Variants in PGR observed in about 807,000 individuals in gnomAD.
The protein encoded by PGR is nuclear receptor subfamily 3 group C member 3.
A neutral mutation model predicts 76.1 loss-of-function variants in PGR; 25 were observed. The observed-to-expected ratio is 0.33, with a 90% CI of 0.24 to 0.46. The LOEUF (loss-of-function observed/expected upper bound fraction) is 0.46, where lower values mean the gene tolerates loss of function less well. PGR is among the 20% of genes least tolerant of loss of function. PGR has a pLI of 1.00. For missense variants in PGR, 1,172 were observed against 1,225.3 expected, an observed-to-expected ratio of 0.96 and a Z score of 0.65; for synonymous variants, 579 against 535.0, an observed-to-expected ratio of 1.08 and a Z score of -1.14.
intron 4 of PGR, among the ~76,000 whole-genome samples, chr11:101,055,779 C>A (rs1028466959): frequency 6.6e-6 from 1 of 152,108 alleles, no homozygotes; most frequent in South Asian, 2.1e-4. Flanking sequence ...TTTTTGTTTT[C>A]GTCTTTTTGC....
intron 2 of PGR, among the ~76,000 whole-genome samples, chr11:101,104,484 C>G (rs1307827307): frequency 2.0e-5 from 3 of 152,208 alleles, no homozygotes; most frequent in Non-Finnish European, 4.4e-5. Flanking sequence ...ACCACAATGA[C>G]TGGTACATAA....
chr11:101,053,074 A>T (rs1860155078), intron 4 of PGR, among the ~76,000 whole-genome samples: 1 of 152,126 alleles, frequency 6.6e-6, no homozygotes, highest in African/African-American at 2.4e-5. Context: ...GAAAATGGAG[A>T]ATTTTTAAAA....
chr11:101,091,661 A>C, intron 3 of PGR, 99 bp downstream of exon 3: 1 of 764,738 alleles, frequency 1.3e-6, no homozygotes, highest in Middle Eastern at 2.3e-4. Context: ...AGACAGAAAA[A>C]ACAAAAACAA....
chr11:101,085,524 C>CAAAAAAAAAAAAAAA (rs1861463966), intron 3 of PGR, among the ~76,000 whole-genome samples: 1 of 14,308 alleles, frequency 7.0e-5, no homozygotes, highest in East Asian at 1.5e-3. Flanking sequence ...CCTAGAGGAA[C>CAAAAAAAAAAAAAAA]TAAAAAAAAA....
intron 7 of PGR, 151 bp downstream of exon 7, chr11:101,041,788 ACACAAT>A: frequency 4.6e-6 from 3 of 645,194 alleles, no homozygotes; most frequent in Admixed American, 2.9e-5. Flanking sequence ...TGAAAAAAAA[ACACAAT>A]AAAAAGTCTG....
chr11:101,083,722 A>G (rs569778718), intron 3 of PGR, among the ~76,000 whole-genome samples: 50 of 151,898 alleles, frequency 3.3e-4, no homozygotes, highest in African/African-American at 1.1e-3. Flanking sequence ...TTGGCCAGTT[A>G]CTCCCATTTA....
chr11:101,124,893 G>GA (rs1159075635), intron 2 of PGR, among the ~76,000 whole-genome samples: 2 of 152,180 alleles, frequency 1.3e-5, no homozygotes, highest in African/African-American at 4.8e-5. Flanking sequence ...TCTTTTGTGA[G>GA]AAAAAATCAT....
intron 3 of PGR, among the ~76,000 whole-genome samples, chr11:101,082,772 G>A (rs983131241): frequency 6.6e-6 from 1 of 152,128 alleles, no homozygotes; most frequent in Admixed American, 6.5e-5. Context: ...CATGAAAAAA[G>A]AGATTATCTG....
At position 101,034,958 on chromosome 11, in the gene PGR, C is replaced by G. The variant is rs1411138440; in HGVS notation, c.*4158G>C. 1.0e-5 allele frequency: 2 copies of G among 190,594 alleles called. No homozygotes were observed. Among genetic ancestry groups the G allele is most frequent in the Non-Finnish European group, 2.2e-5 (2 of 91,050 alleles). 11.8% of individuals were successfully genotyped at this position (190,594 alleles called of 1,614,324 possible). On this transcript the variant is annotated 3_prime_UTR_variant, in exon 8 of 8. Transcript: ENST00000325455. ...AATAAGAAAAAAAGAAACCACAAAA[C>G]CTAGGTGATGTTCTTTTCATTAAAA...
chr11:101,088,445 C>A (rs1375373766), intron 3 of PGR, among the ~76,000 whole-genome samples: 4 of 152,162 alleles, frequency 2.6e-5, no homozygotes, highest in Non-Finnish European at 5.9e-5. Context: ...CATTCTCCTG[C>A]CTCAGCCTCC....
intron 3 of PGR, among the ~76,000 whole-genome samples, chr11:101,070,395 A>C (rs898681810): frequency 1.3e-5 from 2 of 152,202 alleles, no homozygotes; most frequent in Non-Finnish European, 1.5e-5. Flanking sequence ...AAAACTGGGC[A>C]GCCATTTGGG....
intron 7 of PGR, among the ~76,000 whole-genome samples, chr11:101,040,045 T>C (rs1407174595): frequency 6.6e-6 from 1 of 152,030 alleles, no homozygotes. Flanking sequence ...CTAAAGTCAA[T>C]ATCCAGCATT....
intron 4 of PGR, among the ~76,000 whole-genome samples, chr11:101,057,543 G>T (rs1434800528): frequency 1.3e-5 from 2 of 152,180 alleles, no homozygotes; most frequent in Non-Finnish European, 2.9e-5. Context: ...GGGTAGAATA[G>T]AGGATCATTT....
At chr11:101,066,279 C>T (rs1236942505) in intron 3 of PGR, among the ~76,000 whole-genome samples, 1 of 152,238 alleles carries the variant, frequency 6.6e-6, no homozygotes, top group Non-Finnish European at 1.5e-5. Context: ...CAGTCCTGGT[C>T]TTAACCCGGG....
Position 101,113,456 on chromosome 11 carries a change from C to T in PGR, c.1789+12551G>A, listed in dbSNP as rs180898981. 9.3e-5 allele frequency among the ~76,000 whole-genome samples: 14 copies of T among 149,794 alleles called. No individual in the cohort carries two copies. In the East Asian group the frequency reaches 2.6e-3, roughly 27 times the overall value. ...TTTTTTTTTGTATTTTTAGTAGAGA[C>T]GGGGTTTCTTTCACCGTGTTAGCCA... On this transcript the variant is annotated intron_variant, in intron 2 of 7. Coordinates refer to ENST00000325455, the MANE Select transcript of PGR (RefSeq NM_000926.4).
In PGR at chr11:101,128,024, C is replaced by T. The variant is rs778224917; in HGVS notation, c.1047G>A (p.Ser349=). The change falls in exon 1 of 8, where the codon TCG becomes TCA. Residue 349 remains serine (S), a synonymous_variant. Coordinates refer to ENST00000325455, the MANE Select transcript of PGR (RefSeq NM_000926.4). ...AGTCGCCTACAGCGACCGGGGTGGA[C>T]GAGGCACAGGGTGAACTCCGCGGCG... ...FAPPRSSPCA[S]STPVAVGDFP... is the part of the protein sequence containing the mutation. 4 of 1,608,864 alleles carry T rather than the reference C, an allele frequency of 2.5e-6. No individual in the cohort carries two copies. The East Asian group carries it at 8.9e-5, about 36-fold the overall frequency.
chr11:101,064,924 CA>C (rs996049129), intron 3 of PGR, among the ~76,000 whole-genome samples: 4 of 152,144 alleles, frequency 2.6e-5, no homozygotes, highest in African/African-American at 9.7e-5. Context: ...CAGTTGCCTA[CA>C]AAATTCAACA....
chr11:101,074,363 G>C (rs560527), intron 3 of PGR, among the ~76,000 whole-genome samples: 1 of 151,854 alleles, frequency 6.6e-6, no homozygotes, highest in Non-Finnish European at 1.5e-5. Flanking sequence ...AACCCACAGC[G>C]AATATCATAA....
At position 101,033,011 on chromosome 11, in the gene PGR, C is replaced by G. The variant is rs966786859; in HGVS notation, c.*6105G>C. ...TTTTGTAAATCATATTTAATCCTCTCAAAATACAAAGAACTTTGATATTTT... is the reference window on the plus strand; with the variant it reads ...TTTTGTAAATCATATTTAATCCTCTGAAAATACAAAGAACTTTGATATTTT... On this transcript the variant is annotated 3_prime_UTR_variant, in exon 8 of 8. Coordinates refer to ENST00000325455, the MANE Select transcript of PGR (RefSeq NM_000926.4). 2 of 190,782 alleles carry G rather than the reference C, an allele frequency of 1.0e-5. No individual in the cohort carries two copies. Among genetic ancestry groups the G allele is most frequent in the African/African-American group, 2.3e-5 (1 of 42,974 alleles). The allele number at this position is 190,782 out of a possible 1,614,324, so 11.8% of individuals were successfully genotyped here.
Sources: gnomAD v4.1 joint callset for allele counts (sites outside exome capture counted in the v4.1 genomes callset) on GRCh38, gnomAD v4.1.1 for gene constraint, MANE v1.5 for transcripts, NCBI Gene and HGNC (gene_info 2026-07-23, HGNC 2026-07-21) for gene names.